The following TMEM17 variants were observed in gnomAD, a reference collection of about 807,000 sequenced individuals.
The protein encoded by TMEM17 is transmembrane protein 17.
Under a neutral mutation model 19.1 loss-of-function variants are expected in TMEM17, and 15 were observed. The ratio of observed to expected loss-of-function variants is 0.78; its 90% CI spans 0.52 to 1.21. The LOEUF is 1.21. Ranked by LOEUF, TMEM17 falls within the 50% of genes most tolerant of loss-of-function variation. The probability of loss-of-function intolerance (pLI) is 0.00; values close to 1 mark genes in which losing one functional copy is unlikely to be tolerated. For missense variants in TMEM17, 245 were observed against 242.3 expected, an observed-to-expected ratio of 1.01 and a Z score of -0.07; for synonymous variants, 103 against 86.9, an observed-to-expected ratio of 1.19 and a Z score of -1.03.
rs1323139589 is a variant in TMEM17, at chr2:62,500,366, T to C, written c.*843A>G. On this transcript the variant is annotated 3_prime_UTR_variant, in exon 4 of 4. Transcript: ENST00000335390. ...CCAAGGCAATCCACCTGTTTTCTTC[T>C]TCATCTCAGTATAACAGCTAATATT... is the stretch of plus-strand genomic sequence containing the variant. 6.6e-6 allele frequency: 1 copy of C among 152,232 alleles called. No individual in the cohort carries two copies. The highest frequency in any genetic ancestry group is 6.5e-5 in the Admixed American group (1 of 15,288). 9.4% of individuals were successfully genotyped at this position (152,232 alleles called of 1,614,324 possible). A position where few individuals can be genotyped will look rare whatever the true frequency, so the allele number is the denominator to read the frequency against.
At chr2:62,459,752 A>G in the TMEM17 span, among the ~76,000 whole-genome samples, 2 of 152,236 alleles carry the variant, frequency 1.3e-5, no homozygotes. Context: ...ATCATTTTAA[A>G]TGAATTTATA....
At chr2:62,490,742 GAGAAAC>G in the TMEM17 span, among the ~76,000 whole-genome samples, 1 of 152,130 alleles carries the variant, frequency 6.6e-6, no homozygotes, top group African/African-American at 2.4e-5. Context: ...CCCCTTACTA[GAGAAAC>G]AGAAAAGTAT....
At chr2:62,461,293 G>C in the TMEM17 span, among the ~76,000 whole-genome samples, 1 of 152,242 alleles carries the variant, frequency 6.6e-6, no homozygotes, top group African/African-American at 2.4e-5. Flanking sequence ...CAAGGAACGG[G>C]GGTTGGAGAT....
At chr2:62,499,785 T>C (rs890310903), downstream of TMEM17, among the ~76,000 whole-genome samples, 3 of 152,126 alleles carry the variant, frequency 2.0e-5, no homozygotes, top group Non-Finnish European at 2.9e-5. Flanking sequence ...CATTTCCCTA[T>C]AGAAAAAAAG....
chr2:62,503,201 A>G (rs1485499541), intron 1 of TMEM17, among the ~76,000 whole-genome samples: 1 of 152,226 alleles, frequency 6.6e-6, no homozygotes, highest in Non-Finnish European at 1.5e-5. Context: ...AGATAAACTA[A>G]TCTTATACAA....
the TMEM17 span, among the ~76,000 whole-genome samples, chr2:62,483,363 G>A: frequency 1.8e-3 from 272 of 152,306 alleles, 7 homozygotes; most frequent in East Asian, 0.048. Flanking sequence ...GGTCAAGAGC[G>A]AAGGCTTTGT....
the TMEM17 span, among the ~76,000 whole-genome samples, chr2:62,468,640 A>T: frequency 2.0e-5 from 3 of 152,214 alleles, no homozygotes. Context: ...ACTTGGAGAC[A>T]CAGGGGAGAA....
the TMEM17 span, among the ~76,000 whole-genome samples, chr2:62,477,658 A>G: frequency 6.6e-6 from 1 of 152,260 alleles, no homozygotes; most frequent in Non-Finnish European, 1.5e-5. Context: ...CATAGACTGC[A>G]GTTAGAATCA....
chr2:62,459,268 G>A, the TMEM17 span, among the ~76,000 whole-genome samples: 40 of 152,350 alleles, frequency 2.6e-4, 1 homozygote, highest in East Asian at 6.9e-3. Context: ...GGCAGCAGCT[G>A]CAGCTGCAAA....
In TMEM17 at chr2:62,501,133, T is replaced by C; in HGVS notation, c.*76A>G. The C allele has an allele frequency of 6.7e-7, 1 of 1,503,458 alleles. No homozygotes were observed. Among genetic ancestry groups the C allele is most frequent in the Non-Finnish European group, 9.0e-7 (1 of 1,113,798 alleles). 93.1% of individuals were successfully genotyped at this position (1,503,458 alleles called of 1,614,324 possible). ...TTCAAAACACTTGCTTTGTCCCTTT[T>C]CTCAGAGCTCTGATATTTTCCTAAC... On this transcript the variant is annotated 3_prime_UTR_variant, in exon 4 of 4. Transcript: ENST00000335390.
At chr2:62,464,545 C>A in the TMEM17 span, among the ~76,000 whole-genome samples, 4 of 152,184 alleles carry the variant, frequency 2.6e-5, no homozygotes, top group Non-Finnish European at 4.4e-5. Context: ...GTATTCTTGC[C>A]AAAAGTGCAT....
the TMEM17 span, among the ~76,000 whole-genome samples, chr2:62,454,805 G>T: frequency 6.6e-6 from 1 of 152,146 alleles, no homozygotes; most frequent in Non-Finnish European, 1.5e-5. Flanking sequence ...CTGGGTTCAC[G>T]CCATTCTCCT....
chr2:62,505,845 G>A (rs1680054434), intron 1 of TMEM17, among the ~76,000 whole-genome samples, 185 bp downstream of exon 1: 1 of 152,236 alleles, frequency 6.6e-6, no homozygotes, highest in Admixed American at 6.5e-5. Flanking sequence ...GGCCGGGGGC[G>A]GGAGGCCGCC....
downstream of TMEM17, among the ~76,000 whole-genome samples, chr2:62,495,689 C>T (rs1679760557): frequency 6.6e-6 from 1 of 152,186 alleles, no homozygotes; most frequent in Non-Finnish European, 1.5e-5. Flanking sequence ...GCCTCCATGC[C>T]TACTTTGCTA....
the TMEM17 span, among the ~76,000 whole-genome samples, chr2:62,492,581 G>T: frequency 6.6e-6 from 1 of 152,346 alleles, no homozygotes; most frequent in Non-Finnish European, 1.5e-5. Flanking sequence ...AAAAAAAGCT[G>T]CTATGTATTA....
At chr2:62,497,815 T>G (rs1320416312), downstream of TMEM17, among the ~76,000 whole-genome samples, 2 of 152,214 alleles carry the variant, frequency 1.3e-5, no homozygotes, top group Non-Finnish European at 1.5e-5. Flanking sequence ...CCTGGGATAC[T>G]AAGTGCTAGG....
intron 3 of TMEM17, 82 bp downstream of exon 3, chr2:62,502,355 G>T (rs181833270): frequency 8.8e-6 from 8 of 911,606 alleles, no homozygotes; most frequent in Middle Eastern, 2.2e-4. Context: ...TGCTCTTTCT[G>T]CCACACCTCA....
At chr2:62,498,144 G>A (rs1679817163), downstream of TMEM17, among the ~76,000 whole-genome samples, 1 of 152,122 alleles carries the variant, frequency 6.6e-6, no homozygotes, top group Admixed American at 6.5e-5. Flanking sequence ...CAGCACTTTG[G>A]GAGGCTGAGG....
the TMEM17 span, among the ~76,000 whole-genome samples, chr2:62,479,601 T>C: frequency 2.0e-5 from 3 of 152,072 alleles, no homozygotes; most frequent in Admixed American, 6.6e-5. Flanking sequence ...TTCCCAGTAG[T>C]GGGGCCGGGC....
Sources: gnomAD v4.1 joint callset for allele counts (sites outside exome capture counted in the v4.1 genomes callset) on GRCh38, gnomAD v4.1.1 for gene constraint, MANE v1.5 for transcripts, NCBI Gene and HGNC (gene_info 2026-07-23, HGNC 2026-07-21) for gene names.